RIC1: variants seen among roughly 807,000 people sequenced by gnomAD.
RIC1 encodes guanine nucleotide exchange factor subunit RIC1.
A neutral mutation model predicts 169.0 loss-of-function variants in RIC1; 88 were observed. That is an observed-to-expected ratio of 0.52 (90% CI 0.44 to 0.62). The LOEUF (loss-of-function observed/expected upper bound fraction) is 0.62. Among genes scored for constraint, RIC1 ranks in the 20% least tolerant of loss-of-function variants. The pLI is 0.00. For missense variants in RIC1, 1,877 were observed against 1,725.5 expected (o/e 1.09, Z -1.56); for synonymous variants, 790 against 601.5 (o/e 1.31, Z -4.59).
At position 5,732,433 on chromosome 9, in the gene RIC1, G is replaced by A. The variant is rs1357562904; in HGVS notation, c.766G>A (p.Val256Ile). 1.2e-6 allele frequency: 2 copies of A among 1,612,220 alleles called. No individual in the cohort carries two copies. The highest frequency in any genetic ancestry group is 1.7e-6 in the Non-Finnish European group (2 of 1,179,052). ...ACAAGATGTTGTTGACGGAACGTGT[G>A]TAGCAGTAAATAACAAGTATCGACT... ...WPQDVVDGTC[V>I]AVNNKYRLMA... Residue 256 changes from valine to isoleucine, a missense_variant, in exon 7 of 26, where the codon GTA becomes ATA. Physicochemically the swap from Val to Ile is conservative, Grantham distance 29 (BLOSUM62 3). This residue lies in a region of RIC1 where 1,104 missense variants were observed against 992.0 expected (regional missense o/e 1.11). Coordinates refer to ENST00000414202, the MANE Select transcript of RIC1 (RefSeq NM_020829.4).
rs1307482489 is a variant in RIC1 at position 5,774,127 on chromosome 9, A to G, written c.4153A>G (p.Ser1385Gly). ...EESRGSSSHG[S>G]IPQGEVGSSN... The stretch of plus-strand genomic sequence containing the variant: ...GAGCAGGGGCTCCTCCAGCCATGGA[A>G]GCATCCCCCAGGGTGAAGTTGGAAG... The change falls in exon 26 of 26, where the codon AGC (serine) becomes GGC (glycine). Residue 1385 changes from serine to glycine, a missense_variant. Coordinates refer to ENST00000414202, the MANE Select transcript of RIC1 (RefSeq NM_020829.4). 1.2e-6 allele frequency: 2 copies of G among 1,614,044 alleles called. No individual in the cohort carries two copies. Among genetic ancestry groups the G allele is most frequent in the African/African-American group, 1.3e-5 (1 of 75,028 alleles).
chr9:5,680,200 C>A (rs996399819), intron 2 of RIC1, among the ~76,000 whole-genome samples: 1 of 152,162 alleles, frequency 6.6e-6, no homozygotes, highest in African/African-American at 2.4e-5. Flanking sequence ...CCCACTTGAT[C>A]ATGGTGGATA....
intron 2 of RIC1, among the ~76,000 whole-genome samples, chr9:5,657,603 T>G (rs1234444606): frequency 6.6e-6 from 1 of 152,120 alleles, no homozygotes; most frequent in Non-Finnish European, 1.5e-5. Flanking sequence ...CAGCTTCCAT[T>G]TACTATATCC....
intron 2 of RIC1, among the ~76,000 whole-genome samples, chr9:5,666,319 T>C (rs182457570): frequency 9.2e-5 from 14 of 152,334 alleles, no homozygotes; most frequent in African/African-American, 1.7e-4. Context: ...CTTTATTAGC[T>C]CTAATAATTT....
Position 5,763,887 on chromosome 9 carries a change from T to G in RIC1, c.2841+19T>G. ...CTTACAGGTAACAATTCTCTTCTTA[T>G]AAAGGGGCAAGAATTAATGAGCTTA... On this transcript the variant is annotated intron_variant, in intron 19 of 25. Transcript: ENST00000414202. The surrounding 1 kb of genome is among the most constrained non-coding windows in gnomAD (Gnocchi z 5.2). The G allele has an allele frequency of 6.3e-7, 1 of 1,587,108 alleles. No individual in the cohort carries two copies. The highest frequency in any genetic ancestry group is 8.6e-7 in the Non-Finnish European group (1 of 1,164,048).
At chr9:5,689,650 G>C (rs1563902906) in intron 2 of RIC1, among the ~76,000 whole-genome samples, 1 of 152,088 alleles carries the variant, frequency 6.6e-6, no homozygotes, top group African/African-American at 2.4e-5. Context: ...AGTTCAAAAA[G>C]TACTATATAT....
At chr9:5,719,827 T>C (rs1422819442) in intron 4 of RIC1, among the ~76,000 whole-genome samples, 3 of 152,208 alleles carry the variant, frequency 2.0e-5, no homozygotes, top group Non-Finnish European at 1.5e-5. Flanking sequence ...TGGCTCTAGA[T>C]TGTCATACTG....
chr9:5,680,756 T>A (rs1454669357), intron 2 of RIC1, among the ~76,000 whole-genome samples: 1 of 151,748 alleles, frequency 6.6e-6, no homozygotes, highest in Non-Finnish European at 1.5e-5. Flanking sequence ...TTTATTAGTC[T>A]TGCTAGCGGT....
chr9:5,725,577 T>C (rs1823920278), intron 6 of RIC1, among the ~76,000 whole-genome samples: 2 of 152,336 alleles, frequency 1.3e-5, no homozygotes, highest in South Asian at 4.1e-4. Context: ...GCTCTGATCT[T>C]AGTTATTTCT....
chr9:5,766,847 G>A (rs1006914204), intron 21 of RIC1, among the ~76,000 whole-genome samples: 1 of 152,098 alleles, frequency 6.6e-6, no homozygotes, highest in African/African-American at 2.4e-5. Flanking sequence ...CTTTTCCTCT[G>A]GGTAGAACCC....
intron 7 of RIC1, among the ~76,000 whole-genome samples, chr9:5,732,684 T>C (rs1006884408): frequency 6.6e-6 from 1 of 152,236 alleles, no homozygotes; most frequent in African/African-American, 2.4e-5. Flanking sequence ...AGGTTGAGCA[T>C]GTTAATTTGT....
chr9:5,674,709 A>G (rs1316545083), intron 2 of RIC1, among the ~76,000 whole-genome samples: 1 of 152,120 alleles, frequency 6.6e-6, no homozygotes, highest in African/African-American at 2.4e-5. Context: ...CTATTCCCCT[A>G]CCTGCTCTTT....
intron 3 of RIC1, among the ~76,000 whole-genome samples, chr9:5,711,049 G>C (rs1822899862): frequency 1.3e-5 from 2 of 152,242 alleles, no homozygotes; most frequent in South Asian, 4.1e-4. Context: ...TACATCAGTA[G>C]ATTGAACAGG....
chr9:5,729,374 T>G (rs1244218822), intron 6 of RIC1, among the ~76,000 whole-genome samples: 1 of 152,160 alleles, frequency 6.6e-6, no homozygotes, highest in Non-Finnish European at 1.5e-5. Context: ...GAACCACTTC[T>G]ACTACATTTA....
chr9:5,778,090 GATGTCTTTCC>G (rs1169507230), downstream of RIC1, among the ~76,000 whole-genome samples: 3 of 152,154 alleles, frequency 2.0e-5, no homozygotes, highest in Non-Finnish European at 2.9e-5. Flanking sequence ...ATGAACATGA[GATGTCTTTCC>G]ATTTATTGGG....
intron 2 of RIC1, among the ~76,000 whole-genome samples, chr9:5,659,972 A>G (rs189372231): frequency 4.6e-5 from 7 of 152,212 alleles, no homozygotes; most frequent in African/African-American, 1.4e-4. Context: ...TCCATTAGCT[A>G]TTCTTCCAGA....
At chr9:5,741,665 C>T (rs1430261202) in intron 8 of RIC1, among the ~76,000 whole-genome samples, 4 of 152,080 alleles carry the variant, frequency 2.6e-5, no homozygotes, top group Admixed American at 2.6e-4. Context: ...AATCTGTATG[C>T]ATCCTGCTCC....
At chr9:5,754,773 T>A in intron 14 of RIC1, 68 bp from the exon 15 acceptor site, 7 of 919,724 alleles carry the variant, frequency 7.6e-6, no homozygotes, top group Non-Finnish European at 1.1e-5. Context: ...AGAATTTTTA[T>A]AAATATATTA....
chr9:5,645,664 G>C (rs1242488569), intron 1 of RIC1, among the ~76,000 whole-genome samples: 1 of 152,146 alleles, frequency 6.6e-6, no homozygotes, highest in African/African-American at 2.4e-5. Flanking sequence ...TTGTCTTTTT[G>C]TGATTGACTT....
Sources: allele counts gnomAD v4.1 joint callset (sites outside exome capture counted in the v4.1 genomes callset), GRCh38; gene constraint gnomAD v4.1.1; regional missense constraint gnomAD v4.1.1; non-coding constraint Gnocchi (gnomAD v3.1); transcripts MANE v1.5; gene names NCBI Gene and HGNC (gene_info 2026-07-23, HGNC 2026-07-21).